Variants in KCNQ1 observed in about 807,000 individuals in gnomAD.
KCNQ1 encodes potassium voltage-gated channel subfamily KQT member 1.
A neutral mutation model predicts 72.4 loss-of-function variants in KCNQ1; 49 were observed. The ratio of observed to expected loss-of-function variants is 0.68; its 90% confidence interval spans 0.54 to 0.86. The LOEUF (loss-of-function observed/expected upper bound fraction) is 0.86. KCNQ1 is among the 40% of genes least tolerant of loss of function. KCNQ1 has a pLI of 0.00. For missense variants in KCNQ1, 790 were observed against 945.1 expected (o/e 0.84, Z 2.15); for synonymous variants, 450 against 412.6 (o/e 1.09, Z -1.10).
At position 2,668,405 on chromosome 11, in the gene KCNQ1, C is replaced by G. The variant is rs1183587925; in HGVS notation, c.1514+6324C>G. 2.5e-6 allele frequency: 1 copy of G among 398,478 alleles called. No individual in the cohort carries two copies. Among genetic ancestry groups the G allele is most frequent in the Non-Finnish European group, 4.4e-6 (1 of 226,072 alleles). The allele number at this position is 398,478 out of a possible 1,614,324, so 24.7% of individuals were successfully genotyped here. ...CAGCAGTCTACCAAAGGAGTCATTCCAATTTTCATTCCCACAGGCAGCATT... is the reference window on the plus strand; with the variant it reads ...CAGCAGTCTACCAAAGGAGTCATTCGAATTTTCATTCCCACAGGCAGCATT... On this transcript the variant is annotated intron_variant, in intron 11 of 15. Coordinates refer to ENST00000155840, the MANE Select transcript of KCNQ1 (RefSeq NM_000218.3). This position sits in a 1 kb window ranked among gnomAD's most constrained non-coding sequence, Gnocchi z 4.3.
rs1847621711 is a variant in KCNQ1 at position 2,816,764 on chromosome 11, C to T, written c.1795-31003C>T. On this transcript the variant is annotated intron_variant, in intron 15 of 15. Transcript: ENST00000155840. The surrounding 1 kb of genome is among the most constrained non-coding windows in gnomAD (Gnocchi z 6.8). The stretch of plus-strand genomic sequence containing the variant: ...CCTGCACTGAACGCTCCTCCCAGCT[C>T]ATGCTTTCCAAAGTCCCCTGCTCAG... Among the ~76,000 whole-genome samples, 4 of 152,114 alleles carry T rather than the reference C, an allele frequency of 2.6e-5. No individual in the cohort carries two copies. The South Asian group carries it at 8.3e-4, about 32-fold the overall frequency.
intron 15 of KCNQ1, among the ~76,000 whole-genome samples, chr11:2,844,496 C>T (rs1169130293): frequency 6.6e-6 from 1 of 152,366 alleles, no homozygotes; most frequent in Admixed American, 6.5e-5. Flanking sequence ...GCCCAGGCAG[C>T]TTCAGGGAGC....
In KCNQ1 at chr11:2,739,070, C is replaced by T. The variant is rs78152268; in HGVS notation, c.1515-29774C>T. ...AAAGGACTGACTTCTCTGCTGCCTC[C>T]GCCTCCCTGTGAAGTGGGACTGACA... On this transcript the variant is annotated intron_variant, in intron 11 of 15. Coordinates refer to ENST00000155840, the MANE Select transcript of KCNQ1 (RefSeq NM_000218.3). 4.6e-3 allele frequency among the ~76,000 whole-genome samples: 698 copies of T among 152,322 alleles called. 6 individuals are homozygous for T. The highest frequency in any genetic ancestry group is 0.016 in the African/African-American group (668 of 41,554).
At chr11:2,575,446 G>A (rs913572762) in intron 6 of KCNQ1, among the ~76,000 whole-genome samples, 7 of 152,208 alleles carry the variant, frequency 4.6e-5, no homozygotes, top group Non-Finnish European at 7.4e-5. Flanking sequence ...CGGCCCCTGA[G>A]GCCTGAGTTA....
rs2133900984 is a variant in KCNQ1 at position 2,698,749 on chromosome 11, C to T, written c.1514+36668C>T. On this transcript the variant is annotated intron_variant, in intron 11 of 15. Transcript: ENST00000155840. This position sits in a 1 kb window ranked among gnomAD's most constrained non-coding sequence, Gnocchi z 5.1. ...CTCGGACCTCCCTTGGATCTCAACT[C>T]AGAGCCATGATGCAGACTCCAGACC... 2.5e-6 allele frequency: 1 copy of T among 398,816 alleles called. No individual in the cohort carries two copies. Among genetic ancestry groups the T allele is most frequent in the South Asian group, 1.3e-4 (1 of 7,842 alleles). 24.7% of individuals were successfully genotyped at this position (398,816 alleles called of 1,614,324 possible).
rs1031246786 is a variant in KCNQ1 at position 2,651,912 on chromosome 11, G to A, written c.1394-10049G>A. On this transcript the variant is annotated intron_variant, in intron 10 of 15. Coordinates refer to ENST00000155840, the MANE Select transcript of KCNQ1 (RefSeq NM_000218.3). This position sits in a 1 kb window ranked among gnomAD's most constrained non-coding sequence, Gnocchi z 6.1. ...CATAGCCGAGGGTCCCTCTGGGGCC[G>A]CTTGCTCTCCTCCTACTCACAGCCC... 12 of 398,636 alleles carry A rather than the reference G, an allele frequency of 3.0e-5. No homozygotes were observed. Among genetic ancestry groups the A allele is most frequent in the South Asian group, 1.3e-4 (1 of 7,864 alleles). The allele number at this position is 398,636 out of a possible 1,614,324, so 24.7% of individuals were successfully genotyped here.
At chr11:2,799,793 T>C (rs1194143491) in intron 15 of KCNQ1, among the ~76,000 whole-genome samples, 1 of 152,172 alleles carries the variant, frequency 6.6e-6, no homozygotes, top group Admixed American at 6.5e-5. Flanking sequence ...GAGGAGCTTC[T>C]CAGTAGAGTT....
rs558425396 is a variant in KCNQ1 at position 2,544,307 on chromosome 11, T to C, written c.477+16289T>C. On this transcript the variant is annotated intron_variant, in intron 2 of 15. Transcript: ENST00000155840. The surrounding 1 kb of genome is among the most constrained non-coding windows in gnomAD (Gnocchi z 4.4). ...GTATATATATATGTATATATGTGTA[T>C]ATATGTATATATCTATGTATATATA... Among the ~76,000 whole-genome samples the C allele has an allele frequency of 9.5e-6, 1 of 105,134 alleles. No homozygotes were observed. Among genetic ancestry groups the C allele is most frequent in the East Asian group, 4.0e-4 (1 of 2,510 alleles). The allele number at this position is 105,134 out of a possible 152,430, so 69.0% of individuals were successfully genotyped here.
intron 11 of KCNQ1, among the ~76,000 whole-genome samples, chr11:2,751,073 A>G (rs749568669): frequency 9.2e-5 from 14 of 152,042 alleles, no homozygotes; most frequent in Admixed American, 2.0e-4. Context: ...CCTCTGCCCA[A>G]TTTGGGTCAC....
chr11:2,700,015 C>T lies in KCNQ1; in HGVS notation c.1514+37934C>T, dbSNP rs865818932. The T allele has an allele frequency of 1.0e-5, 4 of 398,106 alleles. No homozygotes were observed. The Admixed American group carries it at 1.3e-4, about 13-fold the overall frequency. 24.7% of individuals were successfully genotyped at this position (398,106 alleles called of 1,614,324 possible). Reference sequence around the variant, plus strand: ...GTTCTGCCTGGAGACTGCGGCAGCGCTCCGACTGCCCCCGCCGCTGCCGAC... The same window carrying T: ...GTTCTGCCTGGAGACTGCGGCAGCGTTCCGACTGCCCCCGCCGCTGCCGAC... On this transcript the variant is annotated intron_variant, in intron 11 of 15. Transcript: ENST00000155840.
intron 1 of KCNQ1, among the ~76,000 whole-genome samples, chr11:2,448,018 T>C (rs891164718): frequency 2.0e-5 from 3 of 152,194 alleles, no homozygotes; most frequent in Non-Finnish European, 4.4e-5. Flanking sequence ...CCGCTTAGGC[T>C]TCCTGCCCCC....
chr11:2,844,386 G>A (rs1164016495), intron 15 of KCNQ1, among the ~76,000 whole-genome samples: 4 of 152,208 alleles, frequency 2.6e-5, no homozygotes, highest in African/African-American at 9.6e-5. Flanking sequence ...GCATGTCTCT[G>A]GGGCCAGAGA....
At chr11:2,662,187 C>T (rs72850257) in intron 11 of KCNQ1, 106 bp downstream of exon 11, 273 of 1,490,786 alleles carry the variant, frequency 1.8e-4, no homozygotes, top group Non-Finnish European at 2.5e-4. Context: ...GTGCTATCTA[C>T]TCGCCTAGTG....
At position 2,603,911 on chromosome 11, in the gene KCNQ1, G is replaced by A. The variant is rs1312942627; in HGVS notation, c.1393+15057G>A. On this transcript the variant is annotated intron_variant, in intron 10 of 15. Coordinates refer to ENST00000155840, the MANE Select transcript of KCNQ1 (RefSeq NM_000218.3). The surrounding 1 kb of genome is among the most constrained non-coding windows in gnomAD (Gnocchi z 4.1). The stretch of plus-strand genomic sequence containing the variant: ...TCGCCATGTTAGCCAGGCTGGTCTC[G>A]AACTCCTGACCTCAGGTGATCCGCC... Among the ~76,000 whole-genome samples the A allele has an allele frequency of 2.0e-5, 3 of 151,926 alleles. No individual in the cohort carries two copies. Among genetic ancestry groups the A allele is most frequent in the Admixed American group, 1.3e-4 (2 of 15,258 alleles).
intron 11 of KCNQ1, 130 bp downstream of exon 11, chr11:2,662,211 G>A (rs768361718): frequency 3.9e-5 from 51 of 1,303,854 alleles, no homozygotes; most frequent in South Asian, 2.3e-4. Context: ...ACCACTTGCC[G>A]TCTGCCTGGC....
chr11:2,819,647 T>G (rs1241347290), intron 15 of KCNQ1, among the ~76,000 whole-genome samples: 1 of 152,208 alleles, frequency 6.6e-6, no homozygotes, highest in Non-Finnish European at 1.5e-5. Context: ...TTTTACCTTG[T>G]CAGATAAGTT....
intron 11 of KCNQ1, chr11:2,696,341 C>T (rs1564861340): frequency 2.5e-6 from 1 of 398,584 alleles, no homozygotes; most frequent in East Asian, 3.6e-5. Flanking sequence ...GCTGGCTTTC[C>T]AACATCATCT....
intron 1 of KCNQ1, among the ~76,000 whole-genome samples, chr11:2,489,462 A>G (rs1846798259): frequency 6.6e-6 from 1 of 152,182 alleles, no homozygotes; most frequent in African/African-American, 2.4e-5. Context: ...TAAACTTGTA[A>G]GGCAGTCTAG....
At chr11:2,831,144 C>T (rs539151614) in intron 15 of KCNQ1, among the ~76,000 whole-genome samples, 29 of 152,296 alleles carry the variant, frequency 1.9e-4, no homozygotes, top group South Asian at 4.1e-4. Flanking sequence ...CCAAAGGCGG[C>T]GATCAATGGG....
Sources: gnomAD v4.1 joint callset for allele counts (sites outside exome capture counted in the v4.1 genomes callset) on GRCh38, gnomAD v4.1.1 for gene constraint, Gnocchi (gnomAD v3.1) non-coding constraint, MANE v1.5 for transcripts, NCBI Gene and HGNC (gene_info 2026-07-23, HGNC 2026-07-21) for gene names.